Variants in PAH observed in about 807,000 individuals in gnomAD.
The protein encoded by PAH is phenylalanine hydroxylase, also known as phenylalanine-4-hydroxylase.
Under a neutral mutation model 62.0 loss-of-function variants are expected in PAH, and 64 were observed. That is an observed-to-expected ratio of 1.03 (90% CI 0.84 to 1.27). The LOEUF (loss-of-function observed/expected upper bound fraction) is 1.27. Ranked by LOEUF, PAH falls within the 50% of genes most tolerant of loss-of-function variation. The pLI, the probability that PAH is intolerant of heterozygous loss-of-function variation, is 0.00. For synonymous variants in PAH, 195 were observed against 196.2 expected (o/e 0.99, Z 0.05); for missense variants, 579 against 542.8 (o/e 1.07, Z -0.66).
intron 4 of PAH, among the ~76,000 whole-genome samples, chr12:102,867,941 A>G (rs182278262): frequency 0.011 from 1,554 of 135,690 alleles, 141 homozygotes; most frequent in African/African-American, 0.042. Flanking sequence ...GTATATATAC[A>G]TGTATATACA....
At chr12:102,905,549 G>A (rs1314743506) in intron 2 of PAH, among the ~76,000 whole-genome samples, 2 of 151,686 alleles carry the variant, frequency 1.3e-5, no homozygotes, top group African/African-American at 2.4e-5. Context: ...ATATAAGGCC[G>A]GAGGTTTTAG....
chr12:102,855,058 T>A, intron 6 of PAH, 78 bp downstream of exon 6: 1 of 1,174,972 alleles, frequency 8.5e-7, no homozygotes, highest in Non-Finnish European at 1.3e-6. Context: ...CTCCACATAC[T>A]TGTCTTCCCC....
chr12:102,911,262 T>G (rs1209760363), intron 2 of PAH, among the ~76,000 whole-genome samples: 1 of 151,912 alleles, frequency 6.6e-6, no homozygotes, highest in Non-Finnish European at 1.5e-5. Context: ...AAGGATAAAG[T>G]TATATATTTT....
intron 5 of PAH, among the ~76,000 whole-genome samples, chr12:102,856,017 A>G (rs1246285337): frequency 6.8e-6 from 1 of 147,808 alleles, no homozygotes; most frequent in East Asian, 1.9e-4. Context: ...ATAATTATAT[A>G]CAATTATATA....
chr12:102,846,128 A>C (rs1874832142), intron 9 of PAH, among the ~76,000 whole-genome samples: 1 of 152,108 alleles, frequency 6.6e-6, no homozygotes, highest in South Asian at 2.1e-4. Flanking sequence ...ATTGCATCCC[A>C]TTGTTAGAGA....
intron 3 of PAH, among the ~76,000 whole-genome samples, chr12:102,881,724 G>C (rs989069762): frequency 6.6e-6 from 1 of 152,158 alleles, no homozygotes; most frequent in Non-Finnish European, 1.5e-5. Flanking sequence ...GTCTTTCTGT[G>C]TCTGGCTTAT....
chr12:102,905,304 C>A (rs1343446665), intron 2 of PAH, among the ~76,000 whole-genome samples: 1 of 152,142 alleles, frequency 6.6e-6, no homozygotes, highest in African/African-American at 2.4e-5. Context: ...AAAACCTTGG[C>A]CCCAAATAGC....
chr12:102,887,102 G>C (rs897679762), intron 3 of PAH, among the ~76,000 whole-genome samples: 22 of 151,934 alleles, frequency 1.4e-4, no homozygotes, highest in African/African-American at 5.3e-4. Flanking sequence ...CAAAAATGTC[G>C]AAGAGGATGA....
intron 1 of PAH, among the ~76,000 whole-genome samples, chr12:102,949,786 G>T (rs1879667456): frequency 6.6e-6 from 1 of 152,140 alleles, no homozygotes; most frequent in Non-Finnish European, 1.5e-5. Context: ...GATGCAGGAA[G>T]GTGGGAGTCC....
intron 2 of PAH, among the ~76,000 whole-genome samples, chr12:102,901,558 A>G (rs544989091): frequency 6.6e-6 from 1 of 152,178 alleles, no homozygotes; most frequent in South Asian, 2.1e-4. Flanking sequence ...TTTATCCTTC[A>G]ATATTTGTTT....
intron 2 of PAH, among the ~76,000 whole-genome samples, chr12:102,910,188 G>A (rs2136724279): frequency 6.6e-6 from 1 of 152,070 alleles, no homozygotes; most frequent in East Asian, 1.9e-4. Context: ...TGCTGAGCAC[G>A]CAAGGAAGTG....
chr12:102,876,197 C>G (rs1876558136), intron 4 of PAH, among the ~76,000 whole-genome samples: 1 of 152,236 alleles, frequency 6.6e-6, no homozygotes, highest in East Asian at 1.9e-4. Context: ...CCTCCTCATG[C>G]CCCTCTGTGT....
chr12:102,878,221 T>C, intron 3 of PAH, among the ~76,000 whole-genome samples: 1 of 152,172 alleles, frequency 6.6e-6, no homozygotes, highest in Non-Finnish European at 1.5e-5. Flanking sequence ...ATCTTCCCAT[T>C]ATGTGTTTCC....
At chr12:102,910,241 T>C (rs968531803) in intron 2 of PAH, among the ~76,000 whole-genome samples, 1 of 152,156 alleles carries the variant, frequency 6.6e-6, no homozygotes, top group Admixed American at 6.5e-5. Flanking sequence ...ACTGAGAAGA[T>C]TGTAATTAAT....
In PAH at chr12:102,866,611, G is replaced by A; in HGVS notation, c.494C>T (p.Ala165Val). The change falls in exon 5 of 13, where the codon GCC becomes GTC. Residue 165 changes from alanine (A) to valine (V), a missense_variant. Ala to Val is a moderately conservative substitution (Grantham distance 64). Coordinates refer to ENST00000553106, the MANE Select transcript of PAH (RefSeq NM_000277.3). The stretch of plus-strand genomic sequence containing the variant: ...GCAGACTTACTGGCGGTAGTTGTAG[G>A]CAATGTCAGCAAACTGCTTCCGTCT... ...RARRKQFADI[A>V]YNYRHGQPIP... The A allele has an allele frequency of 6.2e-7, 1 of 1,613,476 alleles. No homozygotes were observed. Among genetic ancestry groups the A allele is most frequent in the Non-Finnish European group, 8.5e-7 (1 of 1,179,494 alleles).
At position 102,903,216 on chromosome 12, in the gene PAH, C is replaced by T. The variant is rs560566651; in HGVS notation, c.169-8298G>A. 1.1e-4 allele frequency among the ~76,000 whole-genome samples: 16 copies of T among 152,176 alleles called. No individual in the cohort carries two copies. The South Asian group carries it at 3.1e-3, about 30-fold the overall frequency. ...TCTCAACTAAAAATACAAAAATTAG[C>T]CAGGCATAGTGGCAGGTGCCTGTAA... On this transcript the variant is annotated intron_variant, in intron 2 of 12. Coordinates refer to ENST00000553106, the MANE Select transcript of PAH (RefSeq NM_000277.3).
At chr12:102,840,342 A>G (rs1014450640) in intron 12 of PAH, 58 bp downstream of exon 12, 46 of 1,017,994 alleles carry the variant, frequency 4.5e-5, no homozygotes, top group Non-Finnish European at 6.4e-5. Flanking sequence ...GATGGTAGGG[A>G]AAGACAGTCT....
chr12:102,899,752 G>A (rs1157683365), intron 2 of PAH, among the ~76,000 whole-genome samples: 2 of 145,014 alleles, frequency 1.4e-5, no homozygotes, highest in Admixed American at 6.9e-5. Context: ...CCAGCTACTT[G>A]GGAGGCTGAG....
At chr12:102,947,766 C>T (rs901132122) in intron 1 of PAH, among the ~76,000 whole-genome samples, 8 of 152,040 alleles carry the variant, frequency 5.3e-5, no homozygotes, top group Admixed American at 1.3e-4. Context: ...GAAAAAAGAA[C>T]CAGTAAGAAA....
Sources: allele counts gnomAD v4.1 joint callset (sites outside exome capture counted in the v4.1 genomes callset), GRCh38; gene constraint gnomAD v4.1.1; transcripts MANE v1.5; gene names NCBI Gene and HGNC (gene_info 2026-07-23, HGNC 2026-07-21).